LARGE1: variants seen among roughly 807,000 people sequenced by gnomAD.
LARGE1 encodes xylosyl- and glucuronyltransferase LARGE1.
In LARGE1, 43 loss-of-function variants were observed where a neutral mutation model predicts 87.6. That is an observed-to-expected ratio of 0.49 (90% CI 0.38 to 0.63). The LOEUF (loss-of-function observed/expected upper bound fraction) is 0.63, where lower values mean the gene tolerates loss of function less well. Among genes scored for constraint, LARGE1 ranks in the 30% least tolerant of loss-of-function variants. LARGE1 has a pLI of 0.00. For missense variants in LARGE1, 802 were observed against 1,000.2 expected, an observed-to-expected ratio of 0.80 and a Z score of 2.67; for synonymous variants, 434 against 394.6, an observed-to-expected ratio of 1.10 and a Z score of -1.18.
chr22:33,083,702 G>C, the LARGE1 span, among the ~76,000 whole-genome samples: 1 of 152,180 alleles, frequency 6.6e-6, no homozygotes, highest in South Asian at 2.1e-4. Context: ...GAATGAGGGA[G>C]GACTGTCTCT....
At chr22:33,474,076 G>C (rs1315661130) in intron 6 of LARGE1, among the ~76,000 whole-genome samples, 1 of 152,152 alleles carries the variant, frequency 6.6e-6, no homozygotes, top group Non-Finnish European at 1.5e-5. Context: ...GGAACTTCAA[G>C]GTTACTAAAT....
At chr22:33,768,772 T>C (rs2084981029) in intron 1 of LARGE1, among the ~76,000 whole-genome samples, 1 of 152,210 alleles carries the variant, frequency 6.6e-6, no homozygotes, top group Non-Finnish European at 1.5e-5. Context: ...GACCAAGGAA[T>C]GTTTACACCA....
chr22:33,854,675 T>C (rs915271723), intron 1 of LARGE1, among the ~76,000 whole-genome samples: 8 of 120,328 alleles, frequency 6.6e-5, no homozygotes, highest in Non-Finnish European at 1.3e-4. Flanking sequence ...CTCCAGTTTA[T>C]TTAAAAAAAA....
intron 6 of LARGE1, among the ~76,000 whole-genome samples, chr22:33,449,396 G>T (rs2067821045): frequency 6.6e-6 from 1 of 152,176 alleles, no homozygotes; most frequent in African/African-American, 2.4e-5. Context: ...GGTAAGAGCA[G>T]AAGTCAACTT....
intron 1 of LARGE1, among the ~76,000 whole-genome samples, chr22:33,766,849 GA>G (rs1296044599): frequency 1.5e-5 from 2 of 137,612 alleles, no homozygotes; most frequent in East Asian, 2.1e-4. Flanking sequence ...ACCTATATAA[GA>G]AAAAAAGGCT....
chr22:33,682,993 G>C (rs950403015), intron 2 of LARGE1, among the ~76,000 whole-genome samples: 3 of 152,184 alleles, frequency 2.0e-5, no homozygotes, highest in Non-Finnish European at 4.4e-5. Context: ...AAATGATAAT[G>C]GGTAACATAT....
chr22:33,532,090 C>T (rs562018046), intron 6 of LARGE1, among the ~76,000 whole-genome samples: 1 of 152,234 alleles, frequency 6.6e-6, no homozygotes, highest in East Asian at 1.9e-4. Context: ...ATTTAATTAA[C>T]ACTTGCTAAA....
At chr22:33,576,572 G>C (rs1329780605) in intron 5 of LARGE1, among the ~76,000 whole-genome samples, 1 of 152,078 alleles carries the variant, frequency 6.6e-6, no homozygotes, top group Admixed American at 6.6e-5. Flanking sequence ...GCCATAACCT[G>C]TCTATCTGTA....
At chr22:33,810,868 TGTGCGCCACC>T in intron 1 of LARGE1, among the ~76,000 whole-genome samples, 1 of 152,118 alleles carries the variant, frequency 6.6e-6, no homozygotes, top group Admixed American at 6.5e-5. Flanking sequence ...GGACTACAGG[TGTGCGCCACC>T]GTGCCTAGCT....
the LARGE1 span, among the ~76,000 whole-genome samples, chr22:33,126,543 T>A: frequency 0.67 from 101,308 of 152,110 alleles, 34,149 homozygotes; most frequent in African/African-American, 0.76. Context: ...TGAGAAAAGG[T>A]CTAGGTGGTA....
intron 4 of LARGE1, among the ~76,000 whole-genome samples, chr22:33,625,232 A>G (rs1164585305): frequency 6.6e-6 from 1 of 152,234 alleles, no homozygotes; most frequent in East Asian, 1.9e-4. Context: ...GTGTTAAAGC[A>G]GAGCCAAGGA....
At chr22:33,477,308 T>C (rs112113587) in intron 6 of LARGE1, among the ~76,000 whole-genome samples, 3,668 of 152,266 alleles carry the variant, frequency 0.024, 70 homozygotes, top group Non-Finnish European at 0.038. Context: ...CTGTCAGTTA[T>C]AAGGAATGGG....
At chr22:33,902,566 T>C (rs546407980) in intron 1 of LARGE1, among the ~76,000 whole-genome samples, 1 of 152,324 alleles carries the variant, frequency 6.6e-6, no homozygotes, top group East Asian at 1.9e-4. Context: ...GTCTTCTCTC[T>C]ACTCCTATTA....
At chr22:33,316,941 C>T (rs944915898) in intron 10 of LARGE1, among the ~76,000 whole-genome samples, 5 of 151,550 alleles carry the variant, frequency 3.3e-5, no homozygotes, top group Non-Finnish European at 7.4e-5. Flanking sequence ...GGGCTGGGCA[C>T]GGTGGCTCAT....
chr22:33,480,419 A>G (rs1265937614), intron 6 of LARGE1, among the ~76,000 whole-genome samples: 1 of 2,352 alleles, frequency 4.3e-4, no homozygotes, highest in Non-Finnish European at 6.1e-4. Context: ...TCAAGCGGGT[A>G]TAATCTCCTG....
At chr22:33,831,798 A>C (rs1326841256) in intron 1 of LARGE1, among the ~76,000 whole-genome samples, 1 of 151,364 alleles carries the variant, frequency 6.6e-6, no homozygotes, top group African/African-American at 2.4e-5. Flanking sequence ...ACATACACAG[A>C]CTTGAGCCTC....
At chr22:33,383,924 T>C (rs552019649) in intron 8 of LARGE1, among the ~76,000 whole-genome samples, 1 of 152,346 alleles carries the variant, frequency 6.6e-6, no homozygotes, top group African/African-American at 2.4e-5. Flanking sequence ...ATCCTTCGTC[T>C]ATCTCTGTCA....
At chr22:33,904,983 A>G (rs563042031) in intron 1 of LARGE1, among the ~76,000 whole-genome samples, 1 of 152,078 alleles carries the variant, frequency 6.6e-6, no homozygotes, top group Non-Finnish European at 1.5e-5. Flanking sequence ...GCAGAAATCA[A>G]CTTAAAAATT....
intron 1 of LARGE1, among the ~76,000 whole-genome samples, chr22:33,814,277 G>A (rs1373553232): frequency 6.6e-6 from 1 of 152,086 alleles, no homozygotes; most frequent in South Asian, 2.1e-4. Flanking sequence ...AAGACACTGA[G>A]CACATGTCAG....
Sources: gnomAD v4.1 joint callset for allele counts (sites outside exome capture counted in the v4.1 genomes callset) on GRCh38, gnomAD v4.1.1 for gene constraint, MANE v1.5 for transcripts, NCBI Gene and HGNC (gene_info 2026-07-23, HGNC 2026-07-21) for gene names.